Variants in GNAI1 observed in about 807,000 individuals in gnomAD.
The protein encoded by GNAI1 is G protein subunit alpha i1.
GNAI1 carries 11 observed loss-of-function variants against 38.9 expected under a neutral mutation model. The ratio of observed to expected loss-of-function variants is 0.28; its 90% CI spans 0.18 to 0.47. The LOEUF is 0.47. Among genes scored for constraint, GNAI1 ranks in the 20% least tolerant of loss-of-function variants. The pLI is 0.99. For synonymous variants in GNAI1, 166 were observed against 145.1 expected (o/e 1.14, Z -1.04); for missense variants, 317 against 436.9 (o/e 0.73, Z 2.45).
chr7:80,184,666 C>T (rs1313497879), intron 1 of GNAI1, among the ~76,000 whole-genome samples: 1 of 152,204 alleles, frequency 6.6e-6, no homozygotes, highest in Non-Finnish European at 1.5e-5. Flanking sequence ...CTTTCCCTTT[C>T]ACTGGCTGTG....
At chr7:80,151,719 G>C (rs191518052) in intron 1 of GNAI1, among the ~76,000 whole-genome samples, 1 of 152,286 alleles carries the variant, frequency 6.6e-6, no homozygotes, top group East Asian at 1.9e-4. Context: ...CTTTCAAACT[G>C]CCTAAGTGCA....
At position 80,190,411 on chromosome 7, in the gene GNAI1, A is replaced by G. The variant is rs542458963; in HGVS notation, c.303+1180A>G. 8.0e-4 allele frequency among the ~76,000 whole-genome samples: 121 copies of G among 152,174 alleles called. 1 individual carries two copies. Among genetic ancestry groups the G allele is most frequent in the African/African-American group, 2.9e-3 (119 of 41,554 alleles). ...TATACATTTATCATTTATTCAGCAA[A>G]CTTTTTGAGCTCAAAAAGCATTTGT... On this transcript the variant is annotated intron_variant, in intron 3 of 7. Transcript: ENST00000649796.
chr7:80,186,521 C>T (rs1006189543), intron 1 of GNAI1, among the ~76,000 whole-genome samples: 1 of 152,064 alleles, frequency 6.6e-6, no homozygotes, highest in Non-Finnish European at 1.5e-5. Flanking sequence ...TAAACATTCT[C>T]ATTTGTACAT....
chr7:80,175,272 C>CT (rs1164419162), intron 1 of GNAI1, among the ~76,000 whole-genome samples: 1 of 152,066 alleles, frequency 6.6e-6, no homozygotes, highest in Non-Finnish European at 1.5e-5. Flanking sequence ...CTGCTACTGG[C>CT]ATCTCGGCGT....
intron 1 of GNAI1, among the ~76,000 whole-genome samples, chr7:80,144,515 A>G: frequency 6.6e-6 from 1 of 152,190 alleles, no homozygotes; most frequent in South Asian, 2.1e-4. Flanking sequence ...AATAAATTGT[A>G]AAATGAGTTC....
intron 1 of GNAI1, among the ~76,000 whole-genome samples, chr7:80,155,126 G>T (rs532593273): frequency 1.3e-5 from 2 of 152,058 alleles, no homozygotes; most frequent in Non-Finnish European, 2.9e-5. Context: ...CAAGATTACT[G>T]ACTCAATATG....
At chr7:80,168,747 G>C (rs1164904101) in intron 1 of GNAI1, among the ~76,000 whole-genome samples, 1 of 152,178 alleles carries the variant, frequency 6.6e-6, no homozygotes, top group Non-Finnish European at 1.5e-5. Flanking sequence ...ACCATCACCA[G>C]TGTCCATCTC....
At chr7:80,147,278 A>G (rs1787640628) in intron 1 of GNAI1, among the ~76,000 whole-genome samples, 1 of 151,896 alleles carries the variant, frequency 6.6e-6, no homozygotes. Flanking sequence ...CCTAACCCCC[A>G]ATGTGATAGG....
intron 1 of GNAI1, among the ~76,000 whole-genome samples, chr7:80,167,435 G>A (rs1788030515): frequency 1.3e-5 from 2 of 152,154 alleles, no homozygotes; most frequent in Non-Finnish European, 1.5e-5. Flanking sequence ...ACTTCACCTG[G>A]AGTAGTAGCT....
chr7:80,153,706 A>G (rs538678890), intron 1 of GNAI1, among the ~76,000 whole-genome samples: 1 of 152,318 alleles, frequency 6.6e-6, no homozygotes, highest in South Asian at 2.1e-4. Flanking sequence ...CCATTGTGCC[A>G]TAGTCAAGAA....
rs71518978 is a variant in GNAI1 at position 80,221,636 on chromosome 7, C to CTTTTTTTTTTT, written c.*4158_*4168dup. 3.2e-5 allele frequency among the ~76,000 whole-genome samples: 3 copies of CTTTTTTTTTTT among 94,360 alleles called. No individual in the cohort carries two copies. Among genetic ancestry groups the CTTTTTTTTTTT allele is most frequent in the Non-Finnish European group, 5.9e-5 (3 of 50,532 alleles). 61.9% of individuals were successfully genotyped at this position (94,360 alleles called of 152,430 possible). On this transcript the variant is annotated 3_prime_UTR_variant, in exon 8 of 8. Transcript: ENST00000649796. ...ATTTTAATGTTAGGTTGGAAATTTT[C>CTTTTTTTTTTT]TTTTTTTTTTTTTTTTTTTTTTTTT...
intron 7 of GNAI1, 31 bp from the exon 8 acceptor site, chr7:80,217,272 C>T (rs1467490054): frequency 4.8e-6 from 5 of 1,045,134 alleles, no homozygotes; most frequent in Admixed American, 6.9e-5. Flanking sequence ...TAACTTTTTG[C>T]ATTTATGTTT....
chr7:80,151,467 C>T (rs149559656), intron 1 of GNAI1, among the ~76,000 whole-genome samples: 56 of 152,190 alleles, frequency 3.7e-4, no homozygotes, highest in African/African-American at 1.3e-3. Flanking sequence ...CTTGTTCTCT[C>T]CTGGTTGTGA....
rs1201003077 is a variant in GNAI1, at chr7:80,225,186, GTAATATAGCC to G, written c.*7695_*7704del. The stretch of plus-strand genomic sequence containing the variant: ...TTTAAATGCTATCGTTTGGTTTGGT[GTAATATAGCC>G]TTTCCTGTGGGGGGAAAACCCATCT... On this transcript the variant is annotated 3_prime_UTR_variant, in exon 8 of 8. Coordinates refer to ENST00000649796, the MANE Select transcript of GNAI1 (RefSeq NM_002069.6). Among the ~76,000 whole-genome samples, 5 of 152,148 alleles carry G rather than the reference GTAATATAGCC, an allele frequency of 3.3e-5. No homozygotes were observed. Among genetic ancestry groups the G allele is most frequent in the Non-Finnish European group, 7.4e-5 (5 of 68,022 alleles).
intron 3 of GNAI1, among the ~76,000 whole-genome samples, chr7:80,189,830 A>G (rs750072321): frequency 2.0e-5 from 3 of 152,048 alleles, no homozygotes; most frequent in Non-Finnish European, 4.4e-5. Flanking sequence ...AGAGATTGCC[A>G]TACAGCTCGT....
At chr7:80,203,371 C>T (rs1327058873) in intron 4 of GNAI1, among the ~76,000 whole-genome samples, 1 of 151,378 alleles carries the variant, frequency 6.6e-6, no homozygotes, top group Non-Finnish European at 1.5e-5. Context: ...ATAAAGAATT[C>T]TAAGAAACAA....
chr7:80,168,728 T>A (rs1445662544), intron 1 of GNAI1, among the ~76,000 whole-genome samples: 1 of 152,210 alleles, frequency 6.6e-6, no homozygotes, highest in African/African-American at 2.4e-5. Flanking sequence ...TACAGTCACA[T>A]TGTTGTTCAC....
chr7:80,137,033 C>T (rs1343891549), intron 1 of GNAI1, among the ~76,000 whole-genome samples: 9 of 152,116 alleles, frequency 5.9e-5, no homozygotes, highest in Non-Finnish European at 1.3e-4. Context: ...TCTTTGGCCT[C>T]CGCTCATTGG....
At chr7:80,139,501 G>T (rs184913659) in intron 1 of GNAI1, among the ~76,000 whole-genome samples, 6 of 152,248 alleles carry the variant, frequency 3.9e-5, no homozygotes, top group African/African-American at 1.4e-4. Context: ...TTATCCTTCT[G>T]CCCAGCCTAT....
Sources: gnomAD v4.1 joint callset for allele counts (sites outside exome capture counted in the v4.1 genomes callset) on GRCh38, gnomAD v4.1.1 for gene constraint, MANE v1.5 for transcripts, NCBI Gene and HGNC (gene_info 2026-07-23, HGNC 2026-07-21) for gene names.